Variants in HIPK2 observed in about 807,000 individuals in gnomAD.
HIPK2 encodes the protein homeodomain-interacting protein kinase 2.
In HIPK2, 27 loss-of-function variants were observed where a neutral mutation model predicts 113.7. The observed-to-expected ratio is 0.24, with a 90% CI of 0.17 to 0.33. The LOEUF is 0.33. Ranked by LOEUF, HIPK2 falls within the 10% of genes least tolerant of loss-of-function variation. The pLI, the probability that HIPK2 is intolerant of heterozygous loss-of-function variation, is 1.00. For synonymous variants in HIPK2, 631 were observed against 642.2 expected, an observed-to-expected ratio of 0.98 and a Z score of 0.26; for missense variants, 1,257 against 1,588.0, an observed-to-expected ratio of 0.79 and a Z score of 3.54.
intron 2 of HIPK2, among the ~76,000 whole-genome samples, chr7:139,650,057 T>C (rs528424783): frequency 1.1e-4 from 17 of 152,194 alleles, no homozygotes; most frequent in African/African-American, 3.9e-4. Flanking sequence ...GATATAAAAA[T>C]AGGATATTTA....
At position 139,571,859 on chromosome 7, in the gene HIPK2, G is replaced by T. The variant is rs1464470705; in HGVS notation, c.*1068C>A. On this transcript the variant is annotated 3_prime_UTR_variant, in exon 15 of 15. Transcript: ENST00000406875. ...CTAGGGTGGCGGCGCCGAGGGCCAC[G>T]CGGGGAGGGCGGCGCGTGCACACCC... The T allele has an allele frequency of 2.0e-5, 3 of 152,222 alleles. No individual in the cohort carries two copies. Among genetic ancestry groups the T allele is most frequent in the Admixed American group, 2.0e-4 (3 of 15,288 alleles). 9.4% of individuals were successfully genotyped at this position (152,222 alleles called of 1,614,324 possible). A position where few individuals can be genotyped will look rare whatever the true frequency, so the allele number is the denominator to read the frequency against.
Position 139,631,353 on chromosome 7 carries a change from T to G in HIPK2, c.1228-69A>C. The G allele has an allele frequency of 6.6e-7, 1 of 1,511,802 alleles. No homozygotes were observed. Among genetic ancestry groups the G allele is most frequent in the Non-Finnish European group, 8.9e-7 (1 of 1,128,930 alleles). The allele number at this position is 1,511,802 out of a possible 1,614,324, so 93.6% of individuals were successfully genotyped here. A position where few individuals can be genotyped will look rare whatever the true frequency, so the allele number is the denominator to read the frequency against. On this transcript the variant is annotated intron_variant, in intron 3 of 14. Transcript: ENST00000406875. This position sits in a 1 kb window ranked among gnomAD's most constrained non-coding sequence, Gnocchi z 4.9. ...TATACATATGGTATACTAATGGCTCTGCTGGCTTTGAGAAAAATGAAAATG... is the reference window on the plus strand; with the variant it reads ...TATACATATGGTATACTAATGGCTCGGCTGGCTTTGAGAAAAATGAAAATG...
At chr7:139,717,076 C>T in intron 1 of HIPK2, 61 bp from the exon 2 acceptor site, 1 of 1,539,334 alleles carries the variant, frequency 6.5e-7, no homozygotes, top group Non-Finnish European at 8.8e-7. Flanking sequence ...GTAAACTCAA[C>T]AGATCCCCTT....
chr7:139,663,630 T>A (rs1401503455), intron 2 of HIPK2, among the ~76,000 whole-genome samples: 7 of 152,184 alleles, frequency 4.6e-5, no homozygotes, highest in African/African-American at 7.2e-5. Context: ...TTCATCTACG[T>A]TAGGGATCCC....
rs1298111700 is a variant in HIPK2, at chr7:139,574,695, G to C, written c.3126+433C>G. On this transcript the variant is annotated intron_variant, in intron 14 of 14. Transcript: ENST00000406875. ...CCCACCCCCCTTCCTCCAGGTCCTG[G>C]GACAAATCTTACCCTTGACTTGGGG... Among the ~76,000 whole-genome samples the C allele has an allele frequency of 2.0e-5, 3 of 152,200 alleles. No individual in the cohort carries two copies. In the East Asian group the frequency reaches 5.8e-4, roughly 29 times the overall value.
At chr7:139,718,290 G>A (rs1300832003) in intron 1 of HIPK2, among the ~76,000 whole-genome samples, 1 of 152,202 alleles carries the variant, frequency 6.6e-6, no homozygotes, top group Non-Finnish European at 1.5e-5. Context: ...ACAAGGAAGT[G>A]CAGCTTCTGC....
intron 2 of HIPK2, among the ~76,000 whole-genome samples, chr7:139,681,750 C>G (rs556209831): frequency 6.6e-6 from 1 of 152,194 alleles, no homozygotes; most frequent in Non-Finnish European, 1.5e-5. Flanking sequence ...AGAGTCACAG[C>G]GTGCGGAGCC....
At chr7:139,592,479 G>A (rs1799060394) in intron 12 of HIPK2, among the ~76,000 whole-genome samples, 1 of 152,216 alleles carries the variant, frequency 6.6e-6, no homozygotes, top group South Asian at 2.1e-4. Context: ...GCTCACACCT[G>A]TAATCCCAGC....
chr7:139,595,884 G>A (rs916664713), intron 12 of HIPK2, among the ~76,000 whole-genome samples: 14 of 152,166 alleles, frequency 9.2e-5, no homozygotes, highest in East Asian at 7.7e-4. Flanking sequence ...TGCAGGATGC[G>A]TGCTGACTGG....
At chr7:139,649,364 C>G (rs1416615509) in intron 2 of HIPK2, among the ~76,000 whole-genome samples, 1 of 152,220 alleles carries the variant, frequency 6.6e-6, no homozygotes, top group African/African-American at 2.4e-5. Context: ...TGCTGACCTT[C>G]AGTTCCCAGC....
At chr7:139,672,462 T>C (rs955961586) in intron 2 of HIPK2, among the ~76,000 whole-genome samples, 7 of 152,184 alleles carry the variant, frequency 4.6e-5, no homozygotes, top group African/African-American at 1.4e-4. Context: ...AAAAAAATAA[T>C]TACAAGTAAC....
intron 2 of HIPK2, among the ~76,000 whole-genome samples, chr7:139,642,291 C>T (rs775335578): frequency 7.2e-5 from 11 of 152,106 alleles, no homozygotes; most frequent in East Asian, 1.9e-4. Flanking sequence ...AGCTGGTGAC[C>T]GGGAGTGGGA....
At chr7:139,701,219 G>C (rs1794697358) in intron 2 of HIPK2, among the ~76,000 whole-genome samples, 1 of 152,208 alleles carries the variant, frequency 6.6e-6, no homozygotes, top group Non-Finnish European at 1.5e-5. Flanking sequence ...GGTGTCTGGA[G>C]ATTCCCTATC....
intron 1 of HIPK2, among the ~76,000 whole-genome samples, chr7:139,725,560 C>T (rs1795550617): frequency 6.6e-6 from 1 of 152,220 alleles, no homozygotes; most frequent in Non-Finnish European, 1.5e-5. Context: ...GAATTGTCAT[C>T]TTCTGATAAC....
chr7:139,582,504 G>A (rs1798700780), intron 13 of HIPK2, among the ~76,000 whole-genome samples: 1 of 152,246 alleles, frequency 6.6e-6, no homozygotes, highest in African/African-American at 2.4e-5. Context: ...TGACGGTACT[G>A]TTGGGGACAG....
intron 2 of HIPK2, among the ~76,000 whole-genome samples, chr7:139,632,064 T>C (rs1800636740): frequency 2.0e-5 from 3 of 152,376 alleles, no homozygotes; most frequent in African/African-American, 7.2e-5. Context: ...TTATCTTTTG[T>C]AGCTGAAAGT....
intron 6 of HIPK2, among the ~76,000 whole-genome samples, chr7:139,624,708 T>C (rs1385283045): frequency 1.3e-5 from 2 of 152,314 alleles, no homozygotes; most frequent in East Asian, 3.9e-4. Flanking sequence ...AAGTCTCCAA[T>C]AGACATCATT....
intron 9 of HIPK2, among the ~76,000 whole-genome samples, chr7:139,608,868 AG>A (rs1799719711): frequency 6.6e-6 from 1 of 152,244 alleles, no homozygotes; most frequent in Non-Finnish European, 1.5e-5. Context: ...AACAGTTTAA[AG>A]GGTTCAAGCC....
chr7:139,649,381 T>G (rs1240944975), intron 2 of HIPK2, among the ~76,000 whole-genome samples: 1 of 152,214 alleles, frequency 6.6e-6, no homozygotes, highest in African/African-American at 2.4e-5. Flanking sequence ...CAGCCTAAGA[T>G]TTTGTTTATT....
Sources: gnomAD v4.1 joint callset for allele counts (sites outside exome capture counted in the v4.1 genomes callset) on GRCh38, gnomAD v4.1.1 for gene constraint, Gnocchi (gnomAD v3.1) non-coding constraint, MANE v1.5 for transcripts, NCBI Gene and HGNC (gene_info 2026-07-23, HGNC 2026-07-21) for gene names.